SPAG16: variants seen among roughly 807,000 people sequenced by gnomAD.
SPAG16 encodes sperm associated antigen 16, also known as sperm-associated antigen 16 protein.
SPAG16 carries 86 observed loss-of-function variants against 80.4 expected under a neutral mutation model. The observed-to-expected ratio is 1.07, with a 90% CI of 0.90 to 1.28. The LOEUF is 1.28. Among genes scored for constraint, SPAG16 ranks in the 50% most tolerant of loss-of-function variants. The pLI is 0.00. For missense variants in SPAG16, 870 were observed against 765.3 expected, an observed-to-expected ratio of 1.14 and a Z score of -1.61; for synonymous variants, 294 against 265.9, an observed-to-expected ratio of 1.11 and a Z score of -1.03.
intron 10 of SPAG16, among the ~76,000 whole-genome samples, chr2:213,593,942 T>A (rs1208434436): frequency 3.3e-5 from 5 of 150,868 alleles, no homozygotes; most frequent in Admixed American, 2.0e-4. Flanking sequence ...GCCCGGCTAA[T>A]TTTTTTCTAT....
chr2:214,290,560 T>C (rs117045437), intron 15 of SPAG16, among the ~76,000 whole-genome samples: 3 of 152,186 alleles, frequency 2.0e-5, no homozygotes, highest in Non-Finnish European at 4.4e-5. Context: ...TCCCACAAGT[T>C]TGGGTATTTT....
At chr2:213,554,100 A>G (rs1359539515) in intron 10 of SPAG16, among the ~76,000 whole-genome samples, 2 of 152,180 alleles carry the variant, frequency 1.3e-5, no homozygotes, top group Non-Finnish European at 1.5e-5. Flanking sequence ...CAAGACAGAT[A>G]CAGTTCCAGG....
At chr2:214,396,937 A>G (rs1701423766) in intron 15 of SPAG16, among the ~76,000 whole-genome samples, 2 of 151,776 alleles carry the variant, frequency 1.3e-5, no homozygotes, top group Non-Finnish European at 2.9e-5. Flanking sequence ...TTTCCTAAAA[A>G]TACTGGGATT....
At chr2:213,412,757 G>T (rs2069050827) in intron 9 of SPAG16, among the ~76,000 whole-genome samples, 1 of 152,062 alleles carries the variant, frequency 6.6e-6, no homozygotes, top group African/African-American at 2.4e-5. Flanking sequence ...GAAAATAAAT[G>T]AAACCAGCAT....
At chr2:213,652,137 T>C (rs1312806415) in intron 10 of SPAG16, among the ~76,000 whole-genome samples, 2 of 152,228 alleles carry the variant, frequency 1.3e-5, no homozygotes, top group African/African-American at 4.8e-5. Flanking sequence ...TTATTAGCTG[T>C]GACCCCAGGT....
Position 214,296,481 on chromosome 2 carries a change from A to G in SPAG16, c.1721-113659A>G, listed in dbSNP as rs1374050265. 2.6e-5 allele frequency among the ~76,000 whole-genome samples: 4 copies of G among 152,186 alleles called. No individual in the cohort carries two copies. In the East Asian group the frequency reaches 7.7e-4, roughly 29 times the overall value. On this transcript the variant is annotated intron_variant, in intron 15 of 15. Coordinates refer to ENST00000331683, the MANE Select transcript of SPAG16 (RefSeq NM_024532.5). ...GACACATCTTCCTACTGTTTTCCAT[A>G]GAGGTTTTACTAATTTACACTCCCA...
At chr2:213,429,969 C>T (rs1038940277) in intron 9 of SPAG16, among the ~76,000 whole-genome samples, 1 of 152,190 alleles carries the variant, frequency 6.6e-6, no homozygotes, top group Non-Finnish European at 1.5e-5. Context: ...CACAGTAATT[C>T]TCTAGCGACA....
chr2:214,362,178 C>T (rs186276593), intron 15 of SPAG16, among the ~76,000 whole-genome samples: 1 of 151,916 alleles, frequency 6.6e-6, no homozygotes, highest in Admixed American at 6.6e-5. Flanking sequence ...AGCTACTATT[C>T]TGGTATACTG....
intron 10 of SPAG16, among the ~76,000 whole-genome samples, chr2:213,850,047 T>C (rs74431158): frequency 1.5e-3 from 231 of 152,314 alleles, no homozygotes; most frequent in African/African-American, 4.5e-3. Flanking sequence ...TTCCAGGAGA[T>C]ATTTTCATAA....
At chr2:213,566,688 A>G (rs2059780074) in intron 10 of SPAG16, among the ~76,000 whole-genome samples, 1 of 152,228 alleles carries the variant, frequency 6.6e-6, no homozygotes, top group Admixed American at 6.5e-5. Flanking sequence ...CAACATCTGC[A>G]TAACAATCTA....
intron 8 of SPAG16, among the ~76,000 whole-genome samples, chr2:213,366,902 A>G (rs1209602091): frequency 6.6e-6 from 1 of 152,008 alleles, no homozygotes; most frequent in African/African-American, 2.4e-5. Flanking sequence ...CTCATCATTT[A>G]CATTAGATAT....
At chr2:213,747,202 A>G (rs982493142) in intron 10 of SPAG16, among the ~76,000 whole-genome samples, 1 of 152,222 alleles carries the variant, frequency 6.6e-6, no homozygotes, top group African/African-American at 2.4e-5. Context: ...TTAAAAATAC[A>G]AAAAGTCTTA....
At chr2:213,799,214 T>C (rs2071229487) in intron 10 of SPAG16, among the ~76,000 whole-genome samples, 1 of 152,196 alleles carries the variant, frequency 6.6e-6, no homozygotes, top group Non-Finnish European at 1.5e-5. Context: ...CATAGGATGC[T>C]ATTCCATGTA....
intron 3 of SPAG16, among the ~76,000 whole-genome samples, chr2:213,303,853 A>G (rs1176969795): frequency 1.3e-5 from 2 of 152,130 alleles, no homozygotes; most frequent in African/African-American, 4.8e-5. Flanking sequence ...TAGTGCAGAT[A>G]TATTTTCGAT....
intron 11 of SPAG16, among the ~76,000 whole-genome samples, chr2:213,909,636 C>G (rs1051939610): frequency 6.6e-5 from 10 of 152,102 alleles, no homozygotes; most frequent in Non-Finnish European, 1.3e-4. Flanking sequence ...AAAGGATTCC[C>G]TATTTAATAA....
At chr2:213,862,678 T>A (rs534676480) in intron 11 of SPAG16, 50 bp downstream of exon 11, 4 of 1,587,858 alleles carry the variant, frequency 2.5e-6, no homozygotes, top group African/African-American at 2.7e-5. Flanking sequence ...AGGAATGTGC[T>A]CCTTTACTCT....
At chr2:214,190,894 G>C (rs372349930) in intron 15 of SPAG16, among the ~76,000 whole-genome samples, 19 of 152,248 alleles carry the variant, frequency 1.2e-4, no homozygotes, top group Middle Eastern at 3.4e-3. Context: ...GCTAATTGGC[G>C]TATGGTACTT....
intron 15 of SPAG16, among the ~76,000 whole-genome samples, chr2:214,245,810 GTTAGAGCCCT>G (rs1437678231): frequency 1.3e-5 from 2 of 152,118 alleles, no homozygotes; most frequent in Non-Finnish European, 2.9e-5. Context: ...GTTTTATTGG[GTTAGAGCCCT>G]AAGCAGAGGA....
intron 8 of SPAG16, among the ~76,000 whole-genome samples, chr2:213,371,833 CAA>C (rs1316386863): frequency 6.6e-6 from 1 of 152,048 alleles, no homozygotes; most frequent in Non-Finnish European, 1.5e-5. Flanking sequence ...AAAATTCAGA[CAA>C]TGATAAAATA....
Sources: allele counts gnomAD v4.1 joint callset (sites outside exome capture counted in the v4.1 genomes callset), GRCh38; gene constraint gnomAD v4.1.1; transcripts MANE v1.5; gene names NCBI Gene and HGNC (gene_info 2026-07-23, HGNC 2026-07-21).